Variants in CDH18 observed in about 807,000 individuals in gnomAD.
The protein encoded by CDH18 is cadherin 18, also known as cadherin-18.
Under a neutral mutation model 67.9 loss-of-function variants are expected in CDH18, and 31 were observed. The ratio of observed to expected loss-of-function variants is 0.46; its 90% CI spans 0.34 to 0.62. The LOEUF is 0.62. Among genes scored for constraint, CDH18 ranks in the 20% least tolerant of loss-of-function variants. The pLI is 0.01. For synonymous variants in CDH18, 362 were observed against 347.2 expected (o/e 1.04, Z -0.48); for missense variants, 890 against 975.5 (o/e 0.91, Z 1.17).
intron 1 of CDH18, among the ~76,000 whole-genome samples, chr5:20,258,042 T>A (rs928820824): frequency 6.6e-6 from 1 of 152,058 alleles, no homozygotes; most frequent in Non-Finnish European, 1.5e-5. Context: ...TTCAATTCAT[T>A]CTCCAATTTA....
chr5:20,521,216 T>A (rs991934668), intron 1 of CDH18, among the ~76,000 whole-genome samples: 2 of 152,008 alleles, frequency 1.3e-5, no homozygotes, highest in Admixed American at 6.6e-5. Flanking sequence ...TAGAGCAAAT[T>A]CTGGACATAT....
intron 3 of CDH18, among the ~76,000 whole-genome samples, chr5:19,757,456 T>C (rs1771760564): frequency 6.6e-6 from 1 of 152,164 alleles, no homozygotes; most frequent in Non-Finnish European, 1.5e-5. Context: ...TGGACGTCCA[T>C]GTTGCTGAGC....
intron 2 of CDH18, among the ~76,000 whole-genome samples, chr5:20,215,893 A>C (rs1007263200): frequency 1.3e-5 from 2 of 152,000 alleles, no homozygotes; most frequent in East Asian, 3.9e-4. Flanking sequence ...CAAATACTGC[A>C]TACTCTTACT....
intron 4 of CDH18, among the ~76,000 whole-genome samples, chr5:19,726,739 G>A (rs1299007705): frequency 6.6e-6 from 1 of 152,122 alleles, no homozygotes; most frequent in Non-Finnish European, 1.5e-5. Flanking sequence ...CTTTATATTA[G>A]ACAAAAGTGT....
intron 3 of CDH18, among the ~76,000 whole-genome samples, chr5:19,765,600 AT>A (rs1158860078): frequency 6.6e-6 from 1 of 152,178 alleles, no homozygotes; most frequent in Non-Finnish European, 1.5e-5. Context: ...AATGAAGCTA[AT>A]TCAATACACT....
chr5:19,853,734 T>C (rs959559903), intron 2 of CDH18, among the ~76,000 whole-genome samples: 1 of 152,088 alleles, frequency 6.6e-6, no homozygotes, highest in Non-Finnish European at 1.5e-5. Flanking sequence ...TTTCTGGACC[T>C]AGCTAGTATC....
chr5:19,520,209 CTCT>C (rs1378119496), intron 10 of CDH18, among the ~76,000 whole-genome samples: 2 of 152,092 alleles, frequency 1.3e-5, no homozygotes, highest in Admixed American at 6.6e-5. Context: ...TACATATATA[CTCT>C]TCATGTTTCT....
intron 2 of CDH18, among the ~76,000 whole-genome samples, chr5:20,203,267 A>T (rs1226165735): frequency 6.6e-6 from 1 of 152,138 alleles, no homozygotes; most frequent in Non-Finnish European, 1.5e-5. Flanking sequence ...GGATAAATAT[A>T]TCTGAGCACA....
intron 2 of CDH18, among the ~76,000 whole-genome samples, chr5:20,014,472 T>C (rs143591843): frequency 1.8e-4 from 27 of 152,198 alleles, no homozygotes; most frequent in Admixed American, 2.6e-4. Flanking sequence ...GAGATAATCA[T>C]GTAATGAGGG....
At chr5:19,615,184 G>C (rs1169607644) in intron 5 of CDH18, among the ~76,000 whole-genome samples, 5 of 151,778 alleles carry the variant, frequency 3.3e-5, no homozygotes, top group Non-Finnish European at 1.5e-5. Flanking sequence ...GCTCTCTTCA[G>C]GATGGCCCAG....
chr5:20,527,276 C>G (rs1437988647), intron 1 of CDH18, among the ~76,000 whole-genome samples: 1 of 151,970 alleles, frequency 6.6e-6, no homozygotes, highest in Non-Finnish European at 1.5e-5. Context: ...AAGACTGAAT[C>G]TGTGATGGAT....
At chr5:20,441,847 T>TA (rs1233934683) in intron 1 of CDH18, among the ~76,000 whole-genome samples, 20 of 151,932 alleles carry the variant, frequency 1.3e-4, no homozygotes, top group African/African-American at 4.9e-4. Context: ...TCCTTACTAT[T>TA]TAATCAAGAG....
At chr5:19,987,159 G>A (rs962939808) in intron 1 of CDH18, among the ~76,000 whole-genome samples, 1 of 151,782 alleles carries the variant, frequency 6.6e-6, no homozygotes, top group Admixed American at 6.6e-5. Flanking sequence ...ATGAGACATT[G>A]AAATAAAAAT....
chr5:20,217,513 C>G (rs558935510), intron 2 of CDH18, among the ~76,000 whole-genome samples: 2 of 151,284 alleles, frequency 1.3e-5, no homozygotes, highest in African/African-American at 4.9e-5. Context: ...GAAATATATA[C>G]AATAGATAAA....
intron 1 of CDH18, among the ~76,000 whole-genome samples, chr5:20,480,872 A>C (rs182925287): frequency 7.1e-4 from 108 of 152,336 alleles, no homozygotes; most frequent in African/African-American, 2.6e-3. Context: ...ACAAAAAATA[A>C]AAAGTGAGAA....
chr5:19,742,310 T>C (rs760870494), intron 4 of CDH18, among the ~76,000 whole-genome samples: 5 of 152,168 alleles, frequency 3.3e-5, no homozygotes, highest in Non-Finnish European at 7.4e-5. Flanking sequence ...TACTGCCTTT[T>C]CTGTATTCTT....
chr5:20,013,662 T>A (rs915127717), intron 2 of CDH18, among the ~76,000 whole-genome samples: 1 of 152,126 alleles, frequency 6.6e-6, no homozygotes, highest in Non-Finnish European at 1.5e-5. Flanking sequence ...TTTAGATGTA[T>A]ACATTTCAAA....
At chr5:19,912,183 T>TAAA (rs143363761) in intron 2 of CDH18, among the ~76,000 whole-genome samples, 66 of 147,846 alleles carry the variant, frequency 4.5e-4, no homozygotes, top group Middle Eastern at 6.9e-3. Flanking sequence ...ACAATAATAA[T>TAAA]AAAAAAAAAA....
intron 1 of CDH18, among the ~76,000 whole-genome samples, chr5:20,275,657 T>G (rs1209611064): frequency 6.6e-6 from 1 of 152,156 alleles, no homozygotes; most frequent in Non-Finnish European, 1.5e-5. Flanking sequence ...ATAGAAGCCT[T>G]CACTGATTAA....
Sources: gnomAD v4.1 joint callset for allele counts (sites outside exome capture counted in the v4.1 genomes callset) on GRCh38, gnomAD v4.1.1 for gene constraint, MANE v1.5 for transcripts, NCBI Gene and HGNC (gene_info 2026-07-23, HGNC 2026-07-21) for gene names.